Variants in HECA observed in about 807,000 individuals in gnomAD.
HECA encodes the protein HECA ribonucleoprotein granule regulator.
Under a neutral mutation model 37.6 loss-of-function variants are expected in HECA, and 13 were observed. That is an observed-to-expected ratio of 0.35 (90% confidence interval 0.23 to 0.55). The LOEUF (loss-of-function observed/expected upper bound fraction) is 0.55. Among genes scored for constraint, HECA ranks in the 20% least tolerant of loss-of-function variants. HECA has a pLI of 0.90. For synonymous variants in HECA, 307 were observed against 291.5 expected, an observed-to-expected ratio of 1.05 and a Z score of -0.54; for missense variants, 527 against 701.9, an observed-to-expected ratio of 0.75 and a Z score of 2.82.
intron 1 of HECA, among the ~76,000 whole-genome samples, chr6:139,148,635 G>A (rs1275650036): frequency 1.3e-5 from 2 of 152,068 alleles, no homozygotes; most frequent in Admixed American, 6.5e-5. Context: ...GCATGGTGGC[G>A]CATGCCTCTT....
At chr6:139,164,078 A>ACTCTCTCT (rs1334773429) in intron 1 of HECA, among the ~76,000 whole-genome samples, 1 of 78,548 alleles carries the variant, frequency 1.3e-5, no homozygotes. Context: ...ACACACACAC[A>ACTCTCTCT]CACTCTCTCT....
intron 1 of HECA, among the ~76,000 whole-genome samples, chr6:139,143,094 A>G (rs1184663861): frequency 6.6e-6 from 1 of 152,246 alleles, no homozygotes; most frequent in East Asian, 1.9e-4. Context: ...TTAGTGAAAA[A>G]AGACTGGGTA....
At position 139,180,671 on chromosome 6, in the gene HECA, G is replaced by A. The variant is rs536086205; in HGVS notation, c.*3566G>A. 6.5e-6 allele frequency: 1 copy of A among 152,748 alleles called. No homozygotes were observed. The highest frequency in any genetic ancestry group is 2.1e-4 in the South Asian group (1 of 4,832). The allele number at this position is 152,748 out of a possible 1,614,324, so 9.5% of individuals were successfully genotyped here. On this transcript the variant is annotated 3_prime_UTR_variant, in exon 4 of 4. Transcript: ENST00000367658. ...AGATGTCTTGGATTGCACTTTTGTT[G>A]AGGAAAGACAGTGTAAATAGTTAAA... is the stretch of plus-strand genomic sequence containing the variant.
chr6:139,167,013 G>C lies in HECA; in HGVS notation c.1001G>C (p.Gly334Ala). The C allele has an allele frequency of 6.2e-7, 1 of 1,614,180 alleles. No homozygotes were observed. Among genetic ancestry groups the C allele is most frequent in the African/African-American group, 1.3e-5 (1 of 75,044 alleles). Residue 334 changes from glycine (G) to alanine (A), a missense_variant, in exon 2 of 4, where the codon GGG becomes GCG. This residue lies in a region of HECA where 228 missense variants were observed against 259.8 expected (regional missense o/e 0.88). Coordinates refer to ENST00000367658, the MANE Select transcript of HECA (RefSeq NM_016217.3). Reference protein sequence around the residue: ...YSPAGLAVHRGGHFDTPVQFL... With the variant: ...YSPAGLAVHRAGHFDTPVQFL... The stretch of plus-strand genomic sequence containing the variant: ...CCTGCGGGGTTGGCAGTTCACAGGG[G>C]GGGACACTTCGACACCCCCGTGCAG...
At chr6:139,159,888 A>G (rs1442240375) in intron 1 of HECA, among the ~76,000 whole-genome samples, 2 of 152,174 alleles carry the variant, frequency 1.3e-5, no homozygotes, top group Non-Finnish European at 2.9e-5. Flanking sequence ...GGGGATAAAA[A>G]TATTTAACTC....
chr6:139,148,341 A>C (rs1304156945), intron 1 of HECA, among the ~76,000 whole-genome samples: 1 of 152,266 alleles, frequency 6.6e-6, no homozygotes, highest in Non-Finnish European at 1.5e-5. Flanking sequence ...AATTACTTGT[A>C]GGCAAAGCAG....
Position 139,135,586 on chromosome 6 carries a change from G to T in HECA, c.190G>T (p.Ala64Ser). ...GGGCGCGCCGGGCGCCGGAGGCGCG[G>T]CGGGCGCCGGAGGCGCGGGGACTGG... ...AAGAPGAGGAAGAGGAGTGAA... is the reference protein window; with the variant it reads ...AAGAPGAGGASGAGGAGTGAA... The change falls in exon 1 of 4, where the codon GCG becomes TCG. Residue 64 changes from alanine to serine, a missense_variant. Transcript: ENST00000367658. 1 of 945,718 alleles carries T rather than the reference G, an allele frequency of 1.1e-6. No individual in the cohort carries two copies. Among genetic ancestry groups the T allele is most frequent in the Non-Finnish European group, 1.3e-6 (1 of 797,706 alleles). 58.6% of individuals were successfully genotyped at this position (945,718 alleles called of 1,614,324 possible).
intron 1 of HECA, among the ~76,000 whole-genome samples, chr6:139,141,105 A>G (rs1340407708): frequency 6.6e-6 from 1 of 152,172 alleles, no homozygotes; most frequent in Non-Finnish European, 1.5e-5. Context: ...TGGCATTTTT[A>G]AGGGCTTTAT....
Position 139,177,265 on chromosome 6 carries a change from C to G in HECA, c.*160C>G, listed in dbSNP as rs1775065039. The G allele has an allele frequency of 3.8e-6, 2 of 524,482 alleles. No homozygotes were observed. Among genetic ancestry groups the G allele is most frequent in the African/African-American group, 3.8e-5 (2 of 52,814 alleles). The allele number at this position is 524,482 out of a possible 1,614,324, so 32.5% of individuals were successfully genotyped here. On this transcript the variant is annotated 3_prime_UTR_variant, in exon 4 of 4. Coordinates refer to ENST00000367658, the MANE Select transcript of HECA (RefSeq NM_016217.3). The surrounding 1 kb of genome is among the most constrained non-coding windows in gnomAD (Gnocchi z 4.9). Reference sequence around the variant, plus strand: ...AAAATAGGGGCTGCCCTTGCCCTGTCTTGATTCCCGAGTGTTAATCTGTGG... The same window carrying G: ...AAAATAGGGGCTGCCCTTGCCCTGTGTTGATTCCCGAGTGTTAATCTGTGG...
intron 3 of HECA, among the ~76,000 whole-genome samples, chr6:139,175,984 T>C (rs12663457): frequency 0.028 from 4,264 of 152,316 alleles, 78 homozygotes; most frequent in East Asian, 0.054. Context: ...TACTAATGAA[T>C]CAAGGGAAGT....
chr6:139,154,874 G>A lies in HECA; in HGVS notation c.272-11410G>A, dbSNP rs545642207. Among the ~76,000 whole-genome samples the A allele has an allele frequency of 2.0e-5, 3 of 152,302 alleles. 1 individual carries two copies. Among genetic ancestry groups the A allele is most frequent in the African/African-American group, 7.2e-5 (3 of 41,568 alleles). On this transcript the variant is annotated intron_variant, in intron 1 of 3. Transcript: ENST00000367658. ...TGCTGACAAAGGAGGACATTAATAT[G>A]GATAATCAAAATCAAGCTTATTTTC...
intron 1 of HECA, among the ~76,000 whole-genome samples, chr6:139,164,059 C>A (rs1169600631): frequency 1.7e-5 from 2 of 120,998 alleles, no homozygotes; most frequent in Non-Finnish European, 3.5e-5. Context: ...CACACACACA[C>A]ACACACAAAC....
At chr6:139,135,694 C>T in intron 1 of HECA, 27 bp downstream of exon 1, 1 of 970,202 alleles carries the variant, frequency 1.0e-6, no homozygotes, top group Non-Finnish European at 1.2e-6. Context: ...GGGGCGAGCG[C>T]CAACTTCCTC....
intron 1 of HECA, among the ~76,000 whole-genome samples, chr6:139,150,507 A>G (rs1184755008): frequency 6.6e-6 from 1 of 151,102 alleles, no homozygotes; most frequent in East Asian, 1.9e-4. Context: ...GATAAAAAAG[A>G]TGACTTTGAG....
chr6:139,137,952 A>G (rs1030834590), intron 1 of HECA, among the ~76,000 whole-genome samples: 1 of 152,120 alleles, frequency 6.6e-6, no homozygotes, highest in African/African-American at 2.4e-5. Context: ...TGTAACTTAT[A>G]TTAGAGGAGT....
At chr6:139,151,141 C>G (rs777650658) in intron 1 of HECA, 3 of 152,124 alleles carry the variant, frequency 2.0e-5, no homozygotes, top group African/African-American at 7.2e-5. Flanking sequence ...CAGGCAAAAG[C>G]TTTGTCTTTT....
intron 3 of HECA, among the ~76,000 whole-genome samples, chr6:139,175,903 C>A (rs1186782908): frequency 2.0e-5 from 3 of 152,110 alleles, no homozygotes; most frequent in Non-Finnish European, 4.4e-5. Flanking sequence ...TTCTGGCCCC[C>A]TACTGAAATG....
chr6:139,166,629 G>T lies in HECA; in HGVS notation c.617G>T (p.Gly206Val). 6.2e-7 allele frequency: 1 copy of T among 1,614,220 alleles called. No individual in the cohort carries two copies. Among genetic ancestry groups the T allele is most frequent in the Non-Finnish European group, 8.5e-7 (1 of 1,180,040 alleles). The part of the protein sequence containing the change: ...RMQDEKKKKS[G>V]SEKNTGRPPG... ...CAGGACGAGAAAAAGAAGAAGTCTGGCTCCGAGAAGAACACAGGGAGGCCT... is the reference window on the plus strand; with the variant it reads ...CAGGACGAGAAAAAGAAGAAGTCTGTCTCCGAGAAGAACACAGGGAGGCCT... Residue 206 changes from glycine to valine, a missense_variant, in exon 2 of 4, where the codon GGC becomes GTC. Gly to Val is a moderately radical substitution (Grantham distance 109). Coordinates refer to ENST00000367658, the MANE Select transcript of HECA (RefSeq NM_016217.3).
chr6:139,177,126 T>C lies in HECA; in HGVS notation c.*21T>C, dbSNP rs1775063446. 1.2e-6 allele frequency: 1 copy of C among 828,830 alleles called. No homozygotes were observed. The highest frequency in any genetic ancestry group is 1.7e-5 in the Admixed American group (1 of 57,388). 51.3% of individuals were successfully genotyped at this position (828,830 alleles called of 1,614,324 possible). ...ATTGATGAAAGCTTTGCTTTAGTAA[T>C]AGCTATTTTATTGATATTATTACTT... is the stretch of plus-strand genomic sequence containing the variant. On this transcript the variant is annotated 3_prime_UTR_variant, in exon 4 of 4. Transcript: ENST00000367658. This position sits in a 1 kb window ranked among gnomAD's most constrained non-coding sequence, Gnocchi z 4.9.
Sources: gnomAD v4.1 joint callset for allele counts (sites outside exome capture counted in the v4.1 genomes callset) on GRCh38, gnomAD v4.1.1 for gene constraint, gnomAD v4.1.1 regional missense constraint, Gnocchi (gnomAD v3.1) non-coding constraint, MANE v1.5 for transcripts, NCBI Gene and HGNC (gene_info 2026-07-23, HGNC 2026-07-21) for gene names.